The following DUOXA1 variants were observed in gnomAD, a reference collection of about 807,000 sequenced individuals.
DUOXA1 encodes the protein dual oxidase maturation factor 1.
A neutral mutation model predicts 26.6 loss-of-function variants in DUOXA1; 19 were observed. The observed-to-expected ratio is 0.71, with a 90% CI of 0.50 to 1.05. The LOEUF (loss-of-function observed/expected upper bound fraction) is 1.05, where lower values mean the gene tolerates loss of function less well. DUOXA1 is among the 50% of genes least tolerant of loss of function. The pLI is 0.00. For missense variants in DUOXA1, 403 were observed against 427.5 expected (o/e 0.94, Z 0.51); for synonymous variants, 166 against 177.0 (o/e 0.94, Z 0.49).
chr15:45,117,382 C>A lies in DUOXA1; in HGVS notation c.*1724G>T. ...CACCGGGTGTGCACTTTCCAGTTTA[C>A]AGAATGAATTCACATCTATTACCCT... On this transcript the variant is annotated 3_prime_UTR_variant, in exon 9 of 9. Coordinates refer to ENST00000560572, the MANE Select transcript of DUOXA1 (RefSeq NM_001276266.2). 2 of 1,503,004 alleles carry A rather than the reference C, an allele frequency of 1.3e-6. No individual in the cohort carries two copies. Among genetic ancestry groups the A allele is most frequent in the Admixed American group, 4.2e-5 (2 of 47,136 alleles). 93.1% of individuals were successfully genotyped at this position (1,503,004 alleles called of 1,614,324 possible). A position where few individuals can be genotyped will look rare whatever the true frequency, so the allele number is the denominator to read the frequency against.
rs1894910897 is a variant in DUOXA1 at position 45,119,242 on chromosome 15, T to C, written c.896A>G (p.Glu299Gly). 1 of 1,614,008 alleles carries C rather than the reference T, an allele frequency of 6.2e-7. No individual in the cohort carries two copies. Among genetic ancestry groups the C allele is most frequent in the African/African-American group, 1.3e-5 (1 of 74,902 alleles). Residue 299 changes from glutamate to glycine, a missense_variant, in exon 9 of 9, where the codon GAA (glutamate) becomes GGA (glycine). Coordinates refer to ENST00000560572, the MANE Select transcript of DUOXA1 (RefSeq NM_001276266.2). Reference protein sequence around the residue: ...EDPMLEWSPEEGGLLSPRYRS... With the variant: ...EDPMLEWSPEGGGLLSPRYRS... ...GTAGCGGGGGCTCAGGAGTCCACCTTCCTCAGGACTCCACTCCAGCATGGG... is the reference window on the plus strand; with the variant it reads ...GTAGCGGGGGCTCAGGAGTCCACCTCCCTCAGGACTCCACTCCAGCATGGG...
rs1894826021 is a variant in DUOXA1 at position 45,118,328 on chromosome 15, G to T, written c.*778C>A. 1.7e-6 allele frequency: 2 copies of T among 1,210,070 alleles called. No individual in the cohort carries two copies. Among genetic ancestry groups the T allele is most frequent in the African/African-American group, 3.1e-5 (2 of 64,194 alleles). 75.0% of individuals were successfully genotyped at this position (1,210,070 alleles called of 1,614,324 possible). A position where few individuals can be genotyped will look rare whatever the true frequency, so the allele number is the denominator to read the frequency against. On this transcript the variant is annotated 3_prime_UTR_variant, in exon 9 of 9. Coordinates refer to ENST00000560572, the MANE Select transcript of DUOXA1 (RefSeq NM_001276266.2). ...CCCCAGGGGGACGTTAGGTGGCAGT[G>T]ATGAGGCAGGTCACCCACTCCCCCG...
chr15:45,117,782 G>T lies in DUOXA1; in HGVS notation c.*1324C>A, dbSNP rs1275610426. On this transcript the variant is annotated 3_prime_UTR_variant, in exon 9 of 9. Transcript: ENST00000560572. ...CAGTATGTTCGGCCCAGCGCTCTTC[G>T]CACCCTTCTGGACCAAAGCGCCAAG... is the stretch of plus-strand genomic sequence containing the variant. 7 of 1,613,822 alleles carry T rather than the reference G, an allele frequency of 4.3e-6. No individual in the cohort carries two copies.
In DUOXA1 at chr15:45,118,772, T is replaced by C. The variant is rs1894858009; in HGVS notation, c.*334A>G. The stretch of plus-strand genomic sequence containing the variant: ...TGTAACCCCCACCCTGCTGGTGTTA[T>C]GGGGGTGAAGTTAGGTTTCAGTGAA... On this transcript the variant is annotated 3_prime_UTR_variant, in exon 9 of 9. Transcript: ENST00000560572. 13 of 1,045,392 alleles carry C rather than the reference T, an allele frequency of 1.2e-5. No homozygotes were observed. In the South Asian group the frequency reaches 5.4e-4, roughly 43 times the overall value. The allele number at this position is 1,045,392 out of a possible 1,614,324, so 64.8% of individuals were successfully genotyped here.
At chr15:45,120,934 T>C (rs758862826) in intron 6 of DUOXA1, 129 bp from the exon 7 acceptor site, 1 of 1,500,164 alleles carries the variant, frequency 6.7e-7, no homozygotes, top group Non-Finnish European at 9.1e-7. Context: ...TCCAAGGCCC[T>C]GAATTTCCCT....
chr15:45,119,434 G>A (rs1894934346), intron 8 of DUOXA1, 69 bp from the exon 9 acceptor site: 7 of 1,507,182 alleles, frequency 4.6e-6, no homozygotes, highest in Non-Finnish European at 6.3e-6. Context: ...CTTCCCCTGG[G>A]AGTGTCAGAA....
At chr15:45,128,193 G>A (rs1186754753) in intron 3 of DUOXA1, among the ~76,000 whole-genome samples, 2 of 152,272 alleles carry the variant, frequency 1.3e-5, no homozygotes, top group East Asian at 1.9e-4. Flanking sequence ...TATGAGAGGT[G>A]GGTAAAACAT....
intron 6 of DUOXA1, 50 bp downstream of exon 6, chr15:45,121,037 C>G (rs370117072): frequency 6.2e-7 from 1 of 1,611,152 alleles, no homozygotes; most frequent in African/African-American, 1.3e-5. Flanking sequence ...ACATAGATCC[C>G]AAAGATGGCA....
At position 45,118,156 on chromosome 15, in the gene DUOXA1, C is replaced by A; in HGVS notation, c.*950G>T. The A allele has an allele frequency of 2.1e-6, 3 of 1,438,122 alleles. No individual in the cohort carries two copies. The highest frequency in any genetic ancestry group is 2.7e-6 in the Non-Finnish European group (3 of 1,101,400). 89.1% of individuals were successfully genotyped at this position (1,438,122 alleles called of 1,614,324 possible). A position where few individuals can be genotyped will look rare whatever the true frequency, so the allele number is the denominator to read the frequency against. ...GCTTCTCCGCGCCGGGGTCGCACGT[C>A]CTCATGAGCTTCGCTGGGCTGGAGA... On this transcript the variant is annotated 3_prime_UTR_variant, in exon 9 of 9. Coordinates refer to ENST00000560572, the MANE Select transcript of DUOXA1 (RefSeq NM_001276266.2).
At position 45,118,007 on chromosome 15, in the gene DUOXA1, T is replaced by G. The variant is rs1424721486; in HGVS notation, c.*1099A>C. 1.9e-6 allele frequency: 3 copies of G among 1,609,210 alleles called. No individual in the cohort carries two copies. The highest frequency in any genetic ancestry group is 2.5e-6 in the Non-Finnish European group (3 of 1,176,970). On this transcript the variant is annotated 3_prime_UTR_variant, in exon 9 of 9. Transcript: ENST00000560572. ...GCCAGGAGAGCTCCAGGAAGGGCAC[T>G]GAGCGCTGCTGGCGCGAGGCCTCGG...
rs879378321 is a variant in DUOXA1 at position 45,118,661 on chromosome 15, G to C, written c.*445C>G. ...TTGTACCAAAAGGCCACACAAGCTG[G>C]AGAAGTAAAGGAAGAACAAAAGGAA... On this transcript the variant is annotated 3_prime_UTR_variant, in exon 9 of 9. Transcript: ENST00000560572. 4 of 991,884 alleles carry C rather than the reference G, an allele frequency of 4.0e-6. No homozygotes were observed. Among genetic ancestry groups the C allele is most frequent in the African/African-American group, 3.5e-5 (2 of 57,442 alleles). The allele number at this position is 991,884 out of a possible 1,614,324, so 61.4% of individuals were successfully genotyped here. A position where few individuals can be genotyped will look rare whatever the true frequency, so the allele number is the denominator to read the frequency against.
At chr15:45,123,785 T>G (rs779056255) in intron 3 of DUOXA1, among the ~76,000 whole-genome samples, 2 of 152,236 alleles carry the variant, frequency 1.3e-5, no homozygotes, top group Non-Finnish European at 2.9e-5. Context: ...CAGGCCAAGT[T>G]TCAGCTCAAA....
intron 6 of DUOXA1, 106 bp downstream of exon 6, chr15:45,120,981 T>C: frequency 1.3e-6 from 2 of 1,560,794 alleles, no homozygotes; most frequent in Non-Finnish European, 1.7e-6. Context: ...TCACACATCC[T>C]CCCAGCCCCT....
chr15:45,119,044 T>C lies in DUOXA1; in HGVS notation c.*62A>G. The C allele has an allele frequency of 4.6e-6, 7 of 1,520,492 alleles. No homozygotes were observed. Among genetic ancestry groups the C allele is most frequent in the Non-Finnish European group, 6.2e-6 (7 of 1,131,556 alleles). The allele number at this position is 1,520,492 out of a possible 1,614,324, so 94.2% of individuals were successfully genotyped here. ...CCTGAGGGCAGTTCTGCTGGTTTTA[T>C]GGGGCGCCAATGAGGTTTGGAGCCA... On this transcript the variant is annotated 3_prime_UTR_variant, in exon 9 of 9. Transcript: ENST00000560572.
rs536633908 is a variant in DUOXA1 at position 45,129,743 on chromosome 15, C to G, written c.-303+109G>C. ...CCACCCTCTCCCCAGCCCCATGGGACTTGTGAAGGCGGACTTGCTTTTTTC... is the reference window on the plus strand; with the variant it reads ...CCACCCTCTCCCCAGCCCCATGGGAGTTGTGAAGGCGGACTTGCTTTTTTC... On this transcript the variant is annotated intron_variant, in intron 1 of 8. Coordinates refer to ENST00000560572, the MANE Select transcript of DUOXA1 (RefSeq NM_001276266.2). The surrounding 1 kb of genome is among the most constrained non-coding windows in gnomAD (Gnocchi z 4.1). The G allele has an allele frequency of 6.5e-4, 99 of 152,634 alleles. No homozygotes were observed. Among genetic ancestry groups the G allele is most frequent in the Middle Eastern group, 6.8e-3 (2 of 294 alleles). 9.5% of individuals were successfully genotyped at this position (152,634 alleles called of 1,614,324 possible). A position where few individuals can be genotyped will look rare whatever the true frequency, so the allele number is the denominator to read the frequency against.
rs535602524 is a variant in DUOXA1, at chr15:45,118,981, C to T, written c.*125G>A. The T allele has an allele frequency of 1.1e-5, 16 of 1,445,068 alleles. No homozygotes were observed. Among genetic ancestry groups the T allele is most frequent in the South Asian group, 3.0e-5 (2 of 65,942 alleles). 89.5% of individuals were successfully genotyped at this position (1,445,068 alleles called of 1,614,324 possible). A position where few individuals can be genotyped will look rare whatever the true frequency, so the allele number is the denominator to read the frequency against. On this transcript the variant is annotated 3_prime_UTR_variant, in exon 9 of 9. Transcript: ENST00000560572. ...TATATAGAGCCTCCTTTTTCTACTC[C>T]GTCTGTAGATTGGTGCTGGGTGTCT...
At chr15:45,122,552 C>A (rs911831808) in intron 4 of DUOXA1, among the ~76,000 whole-genome samples, 1 of 98,230 alleles carries the variant, frequency 1.0e-5, no homozygotes, top group Non-Finnish European at 2.4e-5. Context: ...CACCATGATG[C>A]CCAGCTATTT....
Position 45,121,228 on chromosome 15 carries a change from T to G in DUOXA1, c.206-7A>C, listed in dbSNP as rs1200107422. 6.2e-7 allele frequency: 1 copy of G among 1,613,908 alleles called. No homozygotes were observed. Among genetic ancestry groups the G allele is most frequent in the Non-Finnish European group, 8.5e-7 (1 of 1,179,990 alleles). On this transcript the variant is annotated splice_region_variant and splice_polypyrimidine_tract_variant and intron_variant, in intron 5 of 8. Transcript: ENST00000560572. ...TCAGAACTGAAATTCACAGCTGTGG[T>G]TGGGGAGTTGGACATATGGGAACTC...
intron 4 of DUOXA1, 83 bp from the exon 5 acceptor site, chr15:45,122,325 C>T (rs1476264027): frequency 1.2e-5 from 17 of 1,373,946 alleles, no homozygotes; most frequent in South Asian, 7.5e-5. Context: ...GGGGGAGGGG[C>T]GGGAATTCTA....
Sources: allele counts gnomAD v4.1 joint callset (sites outside exome capture counted in the v4.1 genomes callset), GRCh38; gene constraint gnomAD v4.1.1; non-coding constraint Gnocchi (gnomAD v3.1); transcripts MANE v1.5; gene names NCBI Gene and HGNC (gene_info 2026-07-23, HGNC 2026-07-21).